Variants in TNRC6C observed in about 807,000 individuals in gnomAD.
The protein encoded by TNRC6C is trinucleotide repeat containing adaptor 6C, also known as trinucleotide repeat-containing gene 6C protein.
Under a neutral mutation model 153.7 loss-of-function variants are expected in TNRC6C, and 20 were observed. That is an observed-to-expected ratio of 0.13 (90% confidence interval 0.09 to 0.19). The LOEUF is 0.19. Among genes scored for constraint, TNRC6C ranks in the 10% least tolerant of loss-of-function variants. The pLI is 1.00. For synonymous variants in TNRC6C, 811 were observed against 841.4 expected (o/e 0.96, Z 0.63); for missense variants, 1,987 against 2,172.0 (o/e 0.91, Z 1.69).
intron 1 of TNRC6C, among the ~76,000 whole-genome samples, chr17:77,984,259 G>A (rs529625918): frequency 2.1e-4 from 32 of 151,932 alleles, no homozygotes; most frequent in African/African-American, 6.3e-4. Context: ...GGTGGCTCAC[G>A]CCTGTAATCC....
chr17:77,990,055 G>A (rs372504900), intron 1 of TNRC6C, among the ~76,000 whole-genome samples: 3 of 152,016 alleles, frequency 2.0e-5, no homozygotes, highest in Non-Finnish European at 4.4e-5. Flanking sequence ...CTTAGTGAAC[G>A]GACCACCATA....
intron 2 of TNRC6C, among the ~76,000 whole-genome samples, chr17:78,035,263 G>A (rs2072157367): frequency 6.6e-6 from 1 of 152,192 alleles, no homozygotes; most frequent in Non-Finnish European, 1.5e-5. Context: ...AGGCAGTATG[G>A]CAAAGTGGTC....
exon 3 of TNRC6C, chr17:78,050,366 C>G (rs1290891760): frequency 1.2e-6 from 2 of 1,612,666 alleles, no homozygotes; most frequent in Non-Finnish European, 1.7e-6. Context: ...ATCCAGTTGC[C>G]AAGGAATGAT....
intron 16 of TNRC6C, among the ~76,000 whole-genome samples, chr17:78,097,380 G>A (rs1470067199): frequency 1.3e-5 from 2 of 152,222 alleles, no homozygotes; most frequent in African/African-American, 4.8e-5. Flanking sequence ...GTGAAAGGAT[G>A]TAGATTGCCC....
At chr17:78,022,000 TA>T (rs1166186536) in intron 1 of TNRC6C, among the ~76,000 whole-genome samples, 1 of 152,226 alleles carries the variant, frequency 6.6e-6, no homozygotes, top group Non-Finnish European at 1.5e-5. Context: ...GGAACTCTAT[TA>T]GTATCTGGCT....
intron 1 of TNRC6C, among the ~76,000 whole-genome samples, chr17:77,995,532 T>A (rs1176690671): frequency 6.6e-6 from 1 of 152,186 alleles, no homozygotes; most frequent in African/African-American, 2.4e-5. Context: ...CCTAAGTAGT[T>A]TTTTGGGAAA....
exon 15 of TNRC6C, chr17:78,092,999 G>T: frequency 6.2e-7 from 1 of 1,613,796 alleles, no homozygotes; most frequent in South Asian, 1.1e-5. Context: ...TCCTATGGCC[G>T]GTACGATTTA....
At chr17:78,100,770 C>CTTTTTTTTTTTTT (rs56816459) in intron 17 of TNRC6C, among the ~76,000 whole-genome samples, 1 of 104,030 alleles carries the variant, frequency 9.6e-6, no homozygotes, top group Non-Finnish European at 1.9e-5. Flanking sequence ...ATGGGATTTC[C>CTTTTTTTTTTTTT]TTTTTTTTTT....
chr17:78,048,984 A>G, exon 3 of TNRC6C: 2 of 1,402,774 alleles, frequency 1.4e-6, no homozygotes, highest in African/African-American at 2.9e-5. Context: ...CTTCCATCAC[A>G]GGAACAGAGA....
At chr17:78,094,934 G>A (rs976332303) in intron 16 of TNRC6C, among the ~76,000 whole-genome samples, 1 of 152,228 alleles carries the variant, frequency 6.6e-6, no homozygotes, top group African/African-American at 2.4e-5. Flanking sequence ...GCCAAGTGGT[G>A]CAGGAAAAGG....
chr17:78,092,807 A>T (rs991280237), intron 14 of TNRC6C, 126 bp from the exon 17 acceptor site: 17 of 662,804 alleles, frequency 2.6e-5, no homozygotes, highest in Admixed American at 1.8e-4. Context: ...CTTACAATTC[A>T]TGTAACTGAA....
chr17:78,034,119 T>C (rs2072131351), intron 2 of TNRC6C, among the ~76,000 whole-genome samples: 1 of 152,056 alleles, frequency 6.6e-6, no homozygotes, highest in African/African-American at 2.4e-5. Flanking sequence ...GATGGCACAG[T>C]TTTGGCTCAC....
intron 6 of TNRC6C, among the ~76,000 whole-genome samples, chr17:78,071,392 G>A (rs2072993302): frequency 6.6e-6 from 1 of 152,210 alleles, no homozygotes; most frequent in Non-Finnish European, 1.5e-5. Context: ...ATCAAAAAGG[G>A]TGTGAGAGCC....
At chr17:77,993,372 T>A (rs16970726) in intron 1 of TNRC6C, among the ~76,000 whole-genome samples, 1 of 152,262 alleles carries the variant, frequency 6.6e-6, no homozygotes, top group Non-Finnish European at 1.5e-5. Context: ...GATTGGTATA[T>A]GAACATAGTA....
At chr17:78,076,604 A>G (rs2073090315) in intron 8 of TNRC6C, among the ~76,000 whole-genome samples, 1 of 152,240 alleles carries the variant, frequency 6.6e-6, no homozygotes, top group Admixed American at 6.5e-5. Context: ...TGGGACCCTG[A>G]CATTTAAAAT....
At chr17:78,022,777 T>C (rs1452529382) in intron 1 of TNRC6C, among the ~76,000 whole-genome samples, 1 of 152,250 alleles carries the variant, frequency 6.6e-6, no homozygotes, top group Non-Finnish European at 1.5e-5. Flanking sequence ...TAGTTGGCAC[T>C]CCTTATCTGT....
rs376048673 is a variant in TNRC6C at position 78,086,953 on chromosome 17, C to T, written c.3662C>T (p.Pro1221Leu). 1.7e-5 allele frequency: 28 copies of T among 1,613,270 alleles called. No homozygotes were observed. The highest frequency in any genetic ancestry group is 7.7e-5 in the South Asian group (7 of 91,094). ...AAGCAGCCACCACCGCCACCGCCCC[C>T]GCCGCACCTGTCTCTGCACCCCTCT... Residue 1221 changes from proline (P) to leucine (L), a missense_variant, in exon 13 of 20, where the codon CCG (proline) becomes CTG (leucine). Around this residue, in one of 4 missense-constraint regions of TNRC6C, gnomAD observed 765 missense variants for 908.6 expected, o/e 0.84. Coordinates refer to ENST00000301624, the Ensembl canonical transcript of TNRC6C.
At chr17:78,046,434 T>C (rs911535640) in intron 2 of TNRC6C, among the ~76,000 whole-genome samples, 3 of 152,150 alleles carry the variant, frequency 2.0e-5, no homozygotes, top group Admixed American at 1.3e-4. Context: ...TGCCTCGGCC[T>C]CCCAAAGTGC....
At position 78,046,154 on chromosome 17, in the gene TNRC6C, G is replaced by C. The variant is rs541516198; in HGVS notation, c.-218-2691G>C. Among the ~76,000 whole-genome samples, 14 of 150,168 alleles carry C rather than the reference G, an allele frequency of 9.3e-5. 1 individual carries two copies. Among genetic ancestry groups the C allele is most frequent in the Non-Finnish European group, 1.9e-4 (13 of 67,616 alleles). ...TCCTTTTCCCATTTCTGGTTGGGTT[G>C]TTGGCCTCTTTCTTACCGATTTTTA... On this transcript the variant is annotated intron_variant, in intron 2 of 19. Coordinates refer to ENST00000301624, the Ensembl canonical transcript of TNRC6C.
Sources: gnomAD v4.1 joint callset for allele counts (sites outside exome capture counted in the v4.1 genomes callset) on GRCh38, gnomAD v4.1.1 for gene constraint, gnomAD v4.1.1 regional missense constraint, MANE v1.5 for transcripts, NCBI Gene and HGNC (gene_info 2026-07-23, HGNC 2026-07-21) for gene names.